The following ADARB2 variants were observed in gnomAD, a reference collection of about 807,000 sequenced individuals.
The protein encoded by ADARB2 is adenosine deaminase RNA specific B2 (inactive), also known as inactive double-stranded RNA-specific editase B2.
ADARB2 carries 25 observed loss-of-function variants against 62.2 expected under a neutral mutation model. The observed-to-expected ratio is 0.40, with a 90% CI of 0.29 to 0.56. The LOEUF (loss-of-function observed/expected upper bound fraction) is 0.56, where lower values mean the gene tolerates loss of function less well. ADARB2 is among the 20% of genes least tolerant of loss of function. ADARB2 has a pLI of 0.43. For missense variants in ADARB2, 1,071 were observed against 1,077.4 expected, an observed-to-expected ratio of 0.99 and a Z score of 0.08; for synonymous variants, 572 against 500.8, an observed-to-expected ratio of 1.14 and a Z score of -1.90.
intron 1 of ADARB2, among the ~76,000 whole-genome samples, chr10:1,714,787 T>G (rs1158493444): frequency 1.3e-5 from 2 of 152,208 alleles, no homozygotes; most frequent in Non-Finnish European, 2.9e-5. Flanking sequence ...TGATTCTCAC[T>G]GGACAGCCCA....
intron 1 of ADARB2, among the ~76,000 whole-genome samples, chr10:1,560,979 C>G (rs1197048400): frequency 1.3e-5 from 2 of 152,200 alleles, no homozygotes; most frequent in Non-Finnish European, 2.9e-5. Context: ...TTCTAAATAC[C>G]TGACCTAGAG....
chr10:1,580,303 C>T (rs9663299), intron 1 of ADARB2, among the ~76,000 whole-genome samples: 65,355 of 151,830 alleles, frequency 0.43, 14,370 homozygotes, highest in Non-Finnish European at 0.49. Flanking sequence ...TGTATTGGTC[C>T]TTCTTTGTGT....
chr10:1,367,620 C>T (rs1463397544), intron 2 of ADARB2, among the ~76,000 whole-genome samples: 2 of 152,104 alleles, frequency 1.3e-5, no homozygotes, highest in Non-Finnish European at 2.9e-5. Flanking sequence ...ATGGGATTTT[C>T]CAAATTGAAC....
intron 3 of ADARB2, among the ~76,000 whole-genome samples, chr10:1,271,906 A>C (rs1471451028): frequency 6.6e-6 from 1 of 152,148 alleles, no homozygotes; most frequent in Non-Finnish European, 1.5e-5. Flanking sequence ...CAGTTCTGCC[A>C]CTCAGGAGCC....
chr10:1,458,227 C>T (rs1441488170), intron 1 of ADARB2, among the ~76,000 whole-genome samples: 3 of 152,102 alleles, frequency 2.0e-5, no homozygotes, highest in African/African-American at 7.2e-5. Flanking sequence ...GAACAGCGTG[C>T]ACCCACATTT....
At chr10:1,469,495 T>C (rs1014322604) in intron 1 of ADARB2, among the ~76,000 whole-genome samples, 1 of 152,254 alleles carries the variant, frequency 6.6e-6, no homozygotes, top group Non-Finnish European at 1.5e-5. Flanking sequence ...ACCAAACTTT[T>C]ACACTTTTAC....
At position 1,435,491 on chromosome 10, in the gene ADARB2, A is replaced by G. The variant is rs200656901; in HGVS notation, c.101-56331T>C. ...CTGAGCCTCCTTCTGCGCAAGGACC[A>G]TTAACGAGGGGGCCTGTGTTCCTTC... On this transcript the variant is annotated intron_variant, in intron 1 of 9. Coordinates refer to ENST00000381312, the MANE Select transcript of ADARB2 (RefSeq NM_018702.4). 1.6e-3 allele frequency among the ~76,000 whole-genome samples: 244 copies of G among 148,626 alleles called. 1 individual carries two copies. Among genetic ancestry groups the G allele is most frequent in the South Asian group, 9.6e-3 (46 of 4,810 alleles).
chr10:1,435,428 T>C (rs1409419879), intron 1 of ADARB2, among the ~76,000 whole-genome samples: 6 of 152,220 alleles, frequency 3.9e-5, no homozygotes, highest in Non-Finnish European at 8.8e-5. Context: ...GGGGCCTGTG[T>C]TCCTTCCGCT....
intron 1 of ADARB2, among the ~76,000 whole-genome samples, chr10:1,568,236 C>T (rs749134279): frequency 2.0e-5 from 3 of 152,170 alleles, no homozygotes; most frequent in Non-Finnish European, 2.9e-5. Context: ...CTGACTCTGC[C>T]CTGGTGTCCT....
chr10:1,399,879 G>C (rs1832647542), intron 1 of ADARB2, among the ~76,000 whole-genome samples: 1 of 150,424 alleles, frequency 6.6e-6, no homozygotes, highest in Non-Finnish European at 1.5e-5. Flanking sequence ...GGGACACACA[G>C]GAGGCCCTGG....
At chr10:1,384,110 C>G (rs1832506607) in intron 1 of ADARB2, among the ~76,000 whole-genome samples, 2 of 152,296 alleles carry the variant, frequency 1.3e-5, no homozygotes, top group African/African-American at 4.8e-5. Context: ...ATCAGATGGA[C>G]TCTCCTCTCT....
chr10:1,218,935 A>C (rs1830657039), intron 6 of ADARB2, among the ~76,000 whole-genome samples: 1 of 151,564 alleles, frequency 6.6e-6, no homozygotes, highest in African/African-American at 2.4e-5. Flanking sequence ...CTGTAGTCCC[A>C]GCTACTCGGG....
intron 1 of ADARB2, among the ~76,000 whole-genome samples, chr10:1,617,321 C>T (rs1258796729): frequency 8.7e-6 from 1 of 115,020 alleles, no homozygotes; most frequent in Non-Finnish European, 1.9e-5. Context: ...CCACACCGCC[C>T]TGCTGAGCTC....
intron 1 of ADARB2, among the ~76,000 whole-genome samples, chr10:1,424,655 AAG>A (rs1346325981): frequency 1.1e-3 from 160 of 152,200 alleles, no homozygotes; most frequent in African/African-American, 3.7e-3. Flanking sequence ...GCAAAAAAAA[AAG>A]AGAGAGATAA....
At chr10:1,444,622 A>G (rs1020965953) in intron 1 of ADARB2, among the ~76,000 whole-genome samples, 13 of 146,576 alleles carry the variant, frequency 8.9e-5, no homozygotes, top group Non-Finnish European at 1.9e-4. Context: ...TCTCCCATCC[A>G]TCTATTCATC....
intron 1 of ADARB2, among the ~76,000 whole-genome samples, chr10:1,671,567 C>A (rs957762155): frequency 1.3e-5 from 2 of 152,110 alleles, no homozygotes; most frequent in Non-Finnish European, 2.9e-5. Flanking sequence ...GGCCAACTTG[C>A]CCATGGAGGT....
At chr10:1,429,943 A>G (rs919116662) in intron 1 of ADARB2, among the ~76,000 whole-genome samples, 3 of 152,166 alleles carry the variant, frequency 2.0e-5, no homozygotes, top group Non-Finnish European at 4.4e-5. Context: ...CAGCTAAGGG[A>G]ATTTCTCTAA....
intron 1 of ADARB2, among the ~76,000 whole-genome samples, chr10:1,569,375 T>A (rs532979550): frequency 2.6e-5 from 4 of 152,332 alleles, no homozygotes; most frequent in African/African-American, 7.2e-5. Context: ...ACACACAGCC[T>A]GTGTCATGAA....
At chr10:1,559,325 C>G (rs1000035520) in intron 1 of ADARB2, among the ~76,000 whole-genome samples, 4 of 152,198 alleles carry the variant, frequency 2.6e-5, no homozygotes, top group South Asian at 2.1e-4. Flanking sequence ...GAGCTGTCCC[C>G]GACAAGGTGT....
Sources: allele counts gnomAD v4.1 joint callset (sites outside exome capture counted in the v4.1 genomes callset), GRCh38; gene constraint gnomAD v4.1.1; transcripts MANE v1.5; gene names NCBI Gene and HGNC (gene_info 2026-07-23, HGNC 2026-07-21).